Variants in CNTN4 observed in about 807,000 individuals in gnomAD.
CNTN4 encodes the protein contactin 4.
Under a neutral mutation model 122.5 loss-of-function variants are expected in CNTN4, and 77 were observed. The ratio of observed to expected loss-of-function variants is 0.63; its 90% CI spans 0.52 to 0.76. The LOEUF is 0.76. Ranked by LOEUF, CNTN4 falls within the 30% of genes least tolerant of loss-of-function variation. The pLI is 0.00. For synonymous variants in CNTN4, 512 were observed against 447.0 expected (o/e 1.15, Z -1.83); for missense variants, 1,256 against 1,259.1 (o/e 1.00, Z 0.04).
chr3:2,580,592 T>C (rs1375220184), intron 4 of CNTN4, among the ~76,000 whole-genome samples: 1 of 152,334 alleles, frequency 6.6e-6, no homozygotes, highest in East Asian at 1.9e-4. Context: ...TAATCAGATA[T>C]TTCACCTGAA....
Position 2,340,710 on chromosome 3 carries a change from T to TATATAG in CNTN4, c.-89+1478_-89+1479insTATAGA. ...TTATATATATATATATATATATATA[T>TATATAG]AGAGAGAGAGAGAGAGAGAGAGAGA... On this transcript the variant is annotated intron_variant, in intron 3 of 24. Transcript: ENST00000418658. Among the ~76,000 whole-genome samples the TATATAG allele has an allele frequency of 6.5e-3, 119 of 18,306 alleles. 1 individual carries two copies. Among genetic ancestry groups the TATATAG allele is most frequent in the African/African-American group, 0.011 (108 of 9,982 alleles). The allele number at this position is 18,306 out of a possible 152,430, so 12.0% of individuals were successfully genotyped here.
intron 2 of CNTN4, among the ~76,000 whole-genome samples, chr3:2,266,581 G>A (rs773251033): frequency 1.9e-4 from 29 of 152,150 alleles, no homozygotes; most frequent in African/African-American, 6.5e-4. Context: ...TGTGATTGAG[G>A]TGCCTGTATA....
At chr3:2,932,204 T>C (rs946160938) in intron 13 of CNTN4, among the ~76,000 whole-genome samples, 6 of 151,868 alleles carry the variant, frequency 4.0e-5, no homozygotes, top group South Asian at 4.2e-4. Flanking sequence ...GGTGAAACCC[T>C]CTCTTTACTA....
At chr3:3,050,979 A>G (rs1433920119) in intron 23 of CNTN4, among the ~76,000 whole-genome samples, 1 of 152,218 alleles carries the variant, frequency 6.6e-6, no homozygotes, top group Non-Finnish European at 1.5e-5. Flanking sequence ...CCCACAGGCT[A>G]CATGTGGCCC....
chr3:2,574,343 T>G (rs984518688), intron 4 of CNTN4, among the ~76,000 whole-genome samples: 2 of 152,172 alleles, frequency 1.3e-5, no homozygotes, highest in Non-Finnish European at 2.9e-5. Flanking sequence ...GGGATATGTT[T>G]ACAGCTGTTA....
At chr3:3,031,329 C>T (rs114044634) in intron 16 of CNTN4, among the ~76,000 whole-genome samples, 41 of 152,236 alleles carry the variant, frequency 2.7e-4, no homozygotes, top group African/African-American at 9.9e-4. Context: ...TATGTTTCAT[C>T]TGGGCCAAAC....
chr3:2,302,734 T>G (rs1172403488), intron 2 of CNTN4, among the ~76,000 whole-genome samples: 2 of 152,234 alleles, frequency 1.3e-5, no homozygotes, highest in Non-Finnish European at 2.9e-5. Flanking sequence ...CTTTAGATGC[T>G]AAGGTGATAT....
chr3:2,847,783 C>G (rs1307006035), intron 7 of CNTN4, among the ~76,000 whole-genome samples: 1 of 152,192 alleles, frequency 6.6e-6, no homozygotes, highest in African/African-American at 2.4e-5. Flanking sequence ...CACCACCATG[C>G]ATCAGAACAG....
At chr3:2,931,688 G>T (rs2094521723) in intron 13 of CNTN4, among the ~76,000 whole-genome samples, 1 of 152,068 alleles carries the variant, frequency 6.6e-6, no homozygotes, top group Admixed American at 6.5e-5. Flanking sequence ...GACAGCAGTG[G>T]TGAGATTATA....
chr3:2,137,239 C>G (rs907472682), intron 2 of CNTN4, among the ~76,000 whole-genome samples: 35 of 152,066 alleles, frequency 2.3e-4, no homozygotes, highest in Non-Finnish European at 4.4e-5. Context: ...AATTTCATAC[C>G]TTATAGTGGC....
rs563801719 is a variant in CNTN4 at position 2,711,862 on chromosome 3, A to G, written c.56-24353A>G. On this transcript the variant is annotated intron_variant, in intron 4 of 24. Coordinates refer to ENST00000418658, the MANE Select transcript of CNTN4 (RefSeq NM_175607.3). ...AAGGGTAACTTGTACAAGTCCTATC[A>G]TTAGTTAGGGACAGAGCCTATCTAC... is the stretch of plus-strand genomic sequence containing the variant. 2.0e-5 allele frequency among the ~76,000 whole-genome samples: 3 copies of G among 152,362 alleles called. No homozygotes were observed. The South Asian group carries it at 6.2e-4, about 32-fold the overall frequency.
intron 3 of CNTN4, among the ~76,000 whole-genome samples, chr3:2,473,284 CG>C (rs1183122802): frequency 1.3e-5 from 2 of 150,532 alleles, no homozygotes; most frequent in Non-Finnish European, 3.0e-5. Context: ...TGCTGTACTA[CG>C]ATAGCATCTT....
At chr3:2,932,661 A>C (rs1486472524) in intron 13 of CNTN4, among the ~76,000 whole-genome samples, 1 of 152,134 alleles carries the variant, frequency 6.6e-6, no homozygotes, top group Non-Finnish European at 1.5e-5. Context: ...TGGCTGGGAA[A>C]TACATACGTC....
intron 6 of CNTN4, among the ~76,000 whole-genome samples, chr3:2,787,150 G>T (rs1340513349): frequency 6.6e-6 from 1 of 152,158 alleles, no homozygotes; most frequent in Non-Finnish European, 1.5e-5. Context: ...GCCGAGGCGG[G>T]TGGATCACCT....
chr3:2,813,713 C>G (rs924454760), intron 6 of CNTN4, among the ~76,000 whole-genome samples: 3 of 152,096 alleles, frequency 2.0e-5, no homozygotes, highest in Admixed American at 1.3e-4. Context: ...CAAAAGAGAT[C>G]TTGGACCCTC....
At chr3:2,675,637 T>C (rs2084802491) in intron 4 of CNTN4, among the ~76,000 whole-genome samples, 1 of 152,192 alleles carries the variant, frequency 6.6e-6, no homozygotes, top group African/African-American at 2.4e-5. Context: ...GTCTGGCACA[T>C]AGTACATGCT....
At chr3:2,590,767 A>G (rs1481806803) in intron 4 of CNTN4, among the ~76,000 whole-genome samples, 1 of 151,890 alleles carries the variant, frequency 6.6e-6, no homozygotes, top group Admixed American at 6.6e-5. Flanking sequence ...TTGCCTGTCT[A>G]TGCCTAGCTT....
At chr3:2,359,150 G>A (rs1385324394) in intron 3 of CNTN4, among the ~76,000 whole-genome samples, 1 of 152,156 alleles carries the variant, frequency 6.6e-6, no homozygotes, top group Non-Finnish European at 1.5e-5. Flanking sequence ...CCTCTCATAT[G>A]ATAAAATGGT....
chr3:2,501,598 C>G (rs2076596029), intron 3 of CNTN4, among the ~76,000 whole-genome samples: 2 of 152,130 alleles, frequency 1.3e-5, no homozygotes, highest in African/African-American at 4.8e-5. Flanking sequence ...CTTCAAATGT[C>G]ACTCCCCACC....
Sources: gnomAD v4.1 joint callset for allele counts (sites outside exome capture counted in the v4.1 genomes callset) on GRCh38, gnomAD v4.1.1 for gene constraint, MANE v1.5 for transcripts, NCBI Gene and HGNC (gene_info 2026-07-23, HGNC 2026-07-21) for gene names.